PTPRN2: variants seen among roughly 807,000 people sequenced by gnomAD.
PTPRN2 encodes the protein protein tyrosine phosphatase receptor type N2, also known as receptor-type tyrosine-protein phosphatase N2.
In PTPRN2, 74 loss-of-function variants were observed where a neutral mutation model predicts 118.8. The ratio of observed to expected loss-of-function variants is 0.62; its 90% confidence interval spans 0.52 to 0.76. The LOEUF (loss-of-function observed/expected upper bound fraction) is 0.76, where lower values mean the gene tolerates loss of function less well. Ranked by LOEUF, PTPRN2 falls within the 30% of genes least tolerant of loss-of-function variation. PTPRN2 has a pLI of 0.00. For synonymous variants in PTPRN2, 641 were observed against 608.0 expected (o/e 1.05, Z -0.80); for missense variants, 1,481 against 1,394.4 (o/e 1.06, Z -0.99).
intron 11 of PTPRN2, among the ~76,000 whole-genome samples, chr7:158,005,301 C>T (rs1215772223): frequency 6.6e-6 from 1 of 151,738 alleles, no homozygotes; most frequent in Non-Finnish European, 1.5e-5. Context: ...CTCGAACTCC[C>T]GACCTCATGT....
intron 2 of PTPRN2, among the ~76,000 whole-genome samples, chr7:158,433,670 T>G (rs555634722): frequency 6.6e-6 from 1 of 152,360 alleles, no homozygotes; most frequent in East Asian, 1.9e-4. Flanking sequence ...GTTCATTCTC[T>G]CTACCGTACA....
chr7:157,734,847 C>T (rs1341898897), intron 12 of PTPRN2, among the ~76,000 whole-genome samples: 1 of 152,230 alleles, frequency 6.6e-6, no homozygotes, highest in Non-Finnish European at 1.5e-5. Context: ...AGAGGCAAAC[C>T]CACACCAGGA....
intron 11 of PTPRN2, among the ~76,000 whole-genome samples, chr7:157,919,733 A>T (rs1179834730): frequency 6.6e-6 from 1 of 152,230 alleles, no homozygotes; most frequent in Non-Finnish European, 1.5e-5. Flanking sequence ...TTTAAGACTT[A>T]TAAGCCCTTA....
At chr7:157,776,379 TCA>T (rs1354387657) in intron 12 of PTPRN2, among the ~76,000 whole-genome samples, 1 of 57,356 alleles carries the variant, frequency 1.7e-5, no homozygotes. Flanking sequence ...CTCTTCTTCC[TCA>T]CTCTCCTCCT....
At chr7:157,916,386 C>T (rs1798397288) in intron 11 of PTPRN2, among the ~76,000 whole-genome samples, 1 of 152,208 alleles carries the variant, frequency 6.6e-6, no homozygotes, top group African/African-American at 2.4e-5. Flanking sequence ...AAAATGGGGG[C>T]TCTGGGAAGG....
intron 12 of PTPRN2, among the ~76,000 whole-genome samples, chr7:157,883,331 C>G (rs761517500): frequency 4.0e-5 from 6 of 151,724 alleles, no homozygotes; most frequent in Non-Finnish European, 7.4e-5. Flanking sequence ...ACACACCACC[C>G]CAAAATGACT....
rs545344994 is a variant in PTPRN2 at position 157,811,410 on chromosome 7, C to T, written c.1788+87263G>A. ...AAAATGACTTCACCCCAAATCTCCA[C>T]GTGAAGTAGATGCGTCTCCTCTCCA... On this transcript the variant is annotated intron_variant, in intron 12 of 22. Coordinates refer to ENST00000389418, the MANE Select transcript of PTPRN2 (RefSeq NM_002847.5). Among the ~76,000 whole-genome samples the T allele has an allele frequency of 2.5e-3, 372 of 150,256 alleles. 1 individual carries two copies. Among genetic ancestry groups the T allele is most frequent in the African/African-American group, 8.0e-3 (327 of 40,774 alleles).
At chr7:157,653,199 T>A (rs1359948939) in intron 14 of PTPRN2, among the ~76,000 whole-genome samples, 1 of 152,206 alleles carries the variant, frequency 6.6e-6, no homozygotes, top group African/African-American at 2.4e-5. Flanking sequence ...TGCTGTTTAT[T>A]TCATCGGATC....
In PTPRN2 at chr7:158,479,893, G is replaced by T. The variant is rs754451293; in HGVS notation, c.163+9842C>A. ...GTCATCCTCGCTGCTGTGGGAGCGG[G>T]GGCTCCTGCTCTGGAGATCGACTGC... On this transcript the variant is annotated intron_variant, in intron 2 of 22. Transcript: ENST00000389418. Among the ~76,000 whole-genome samples the T allele has an allele frequency of 3.3e-5, 5 of 152,264 alleles. No individual in the cohort carries two copies. The East Asian group carries it at 9.6e-4, about 29-fold the overall frequency.
intron 12 of PTPRN2, among the ~76,000 whole-genome samples, chr7:157,885,235 A>G (rs1458676495): frequency 6.6e-6 from 1 of 152,132 alleles, no homozygotes. Flanking sequence ...GGCTGGAACG[A>G]CAGCCCCCAC....
At chr7:158,017,511 G>A (rs1320377823) in intron 11 of PTPRN2, among the ~76,000 whole-genome samples, 1 of 152,230 alleles carries the variant, frequency 6.6e-6, no homozygotes, top group East Asian at 1.9e-4. Flanking sequence ...CTGAAATGGG[G>A]TGTGGCTACT....
At chr7:158,113,793 G>A (rs1236495658) in intron 9 of PTPRN2, among the ~76,000 whole-genome samples, 2 of 152,174 alleles carry the variant, frequency 1.3e-5, no homozygotes, top group Non-Finnish European at 2.9e-5. Flanking sequence ...CTGTTGTTGT[G>A]GCCACCAGGG....
chr7:158,221,884 A>C lies in PTPRN2; in HGVS notation c.278-16611T>G, dbSNP rs138873936. On this transcript the variant is annotated intron_variant, in intron 3 of 22. Transcript: ENST00000389418. ...TAAGGAACTTAAATTATTCAACAAG[A>C]AAAAAGCAGCCCCATTAAAAAATGG... Among the ~76,000 whole-genome samples the C allele has an allele frequency of 4.8e-3, 724 of 152,242 alleles. 8 individuals are homozygous for C. The highest frequency in any genetic ancestry group is 0.017 in the African/African-American group (691 of 41,550).
rs1727807354 is a variant in PTPRN2 at position 157,671,142 on chromosome 7, C to T, written c.2001+11583G>A. Among the ~76,000 whole-genome samples the T allele has an allele frequency of 6.8e-6, 1 of 147,762 alleles. No individual in the cohort carries two copies. Among genetic ancestry groups the T allele is most frequent in the South Asian group, 2.2e-4 (1 of 4,502 alleles). Reference sequence around the variant, plus strand: ...CCTGCCCACAGACCTGCTCTTACCACATCAAGATCTTAGTTCAATGTATCG... The same window carrying T: ...CCTGCCCACAGACCTGCTCTTACCATATCAAGATCTTAGTTCAATGTATCG... On this transcript the variant is annotated intron_variant, in intron 13 of 22. Transcript: ENST00000389418. The surrounding 1 kb of genome is among the most constrained non-coding windows in gnomAD (Gnocchi z 4.1).
rs115530023 is a variant in PTPRN2, at chr7:158,402,165, C to G, written c.164-85233G>C. Among the ~76,000 whole-genome samples the G allele has an allele frequency of 4.5e-3, 690 of 152,220 alleles. 5 individuals are homozygous for G. The highest frequency in any genetic ancestry group is 0.016 in the African/African-American group (664 of 41,510). On this transcript the variant is annotated intron_variant, in intron 2 of 22. Coordinates refer to ENST00000389418, the MANE Select transcript of PTPRN2 (RefSeq NM_002847.5). ...AAAGGGAGAACCCCGGAGGACAGCC[C>G]GGTGGGAGAGTGGCTCACAACAAGT...
chr7:158,523,649 G>A (rs1427369274), intron 1 of PTPRN2, among the ~76,000 whole-genome samples: 4 of 137,460 alleles, frequency 2.9e-5, no homozygotes, highest in Non-Finnish European at 6.2e-5. Context: ...AGCGGAGTCT[G>A]CCCTGGAGTG....
At chr7:157,614,579 G>A (rs890188943) in intron 15 of PTPRN2, among the ~76,000 whole-genome samples, 3 of 152,212 alleles carry the variant, frequency 2.0e-5, no homozygotes, top group Admixed American at 6.5e-5. Context: ...AGAAAGCGGC[G>A]GGAGTCCCTG....
At chr7:157,875,392 G>C (rs1795697038) in intron 12 of PTPRN2, among the ~76,000 whole-genome samples, 1 of 152,144 alleles carries the variant, frequency 6.6e-6, no homozygotes, top group Non-Finnish European at 1.5e-5. Flanking sequence ...AACCTCTATC[G>C]GCAGTTTCTG....
intron 3 of PTPRN2, among the ~76,000 whole-genome samples, chr7:158,211,665 G>C (rs1367436068): frequency 6.6e-6 from 1 of 152,118 alleles, no homozygotes; most frequent in Non-Finnish European, 1.5e-5. Flanking sequence ...CCTACAATGA[G>C]ATATCATCTC....
Sources: gnomAD v4.1 joint callset for allele counts (sites outside exome capture counted in the v4.1 genomes callset) on GRCh38, gnomAD v4.1.1 for gene constraint, Gnocchi (gnomAD v3.1) non-coding constraint, MANE v1.5 for transcripts, NCBI Gene and HGNC (gene_info 2026-07-23, HGNC 2026-07-21) for gene names.